Variants in KCNIP4 observed in about 807,000 individuals in gnomAD.
KCNIP4 encodes potassium voltage-gated channel interacting protein 4.
A neutral mutation model predicts 34.0 loss-of-function variants in KCNIP4; 12 were observed. The ratio of observed to expected loss-of-function variants is 0.35; its 90% confidence interval spans 0.23 to 0.57. The LOEUF is 0.57. Among genes scored for constraint, KCNIP4 ranks in the 20% least tolerant of loss-of-function variants. The probability of loss-of-function intolerance (pLI) is 0.83; values close to 1 mark genes in which losing one functional copy is unlikely to be tolerated. For missense variants in KCNIP4, 238 were observed against 311.7 expected (o/e 0.76, Z 1.78); for synonymous variants, 124 against 102.2 (o/e 1.21, Z -1.29).
intron 1 of KCNIP4, among the ~76,000 whole-genome samples, chr4:20,981,253 T>C (rs1736036476): frequency 1.3e-5 from 2 of 152,340 alleles, no homozygotes; most frequent in African/African-American, 4.8e-5. Context: ...TGTCCTAATC[T>C]TGCCTCTAAT....
At chr4:21,112,809 G>T (rs371353251) in intron 1 of KCNIP4, among the ~76,000 whole-genome samples, 4 of 151,964 alleles carry the variant, frequency 2.6e-5, no homozygotes, top group East Asian at 1.9e-4. Flanking sequence ...AAAATGGAAG[G>T]TTGTTTCCAT....
At chr4:21,433,638 A>C (rs976677228) in intron 1 of KCNIP4, among the ~76,000 whole-genome samples, 1 of 152,148 alleles carries the variant, frequency 6.6e-6, no homozygotes, top group African/African-American at 2.4e-5. Flanking sequence ...TGACTGATAC[A>C]CATACTCCTA....
In KCNIP4 at chr4:21,886,779, G is replaced by GCA. The variant is rs368485320; in HGVS notation, c.61+61790_61+61791dup. ...CTGATACCTGTGGCAACCATGGAGG[G>GCA]CACACACACACAAATTACATTTGGC... On this transcript the variant is annotated intron_variant, in intron 1 of 8. Transcript: ENST00000382152. 3.9e-5 allele frequency among the ~76,000 whole-genome samples: 6 copies of GCA among 152,044 alleles called. No homozygotes were observed. In the East Asian group the frequency reaches 7.7e-4, roughly 20 times the overall value.
At chr4:21,543,514 A>G (rs1737876858) in intron 1 of KCNIP4, among the ~76,000 whole-genome samples, 1 of 152,138 alleles carries the variant, frequency 6.6e-6, no homozygotes, top group Admixed American at 6.6e-5. Context: ...TGATGTAAGT[A>G]AACTTCAAAG....
At chr4:21,490,378 T>G (rs1356241614) in intron 1 of KCNIP4, among the ~76,000 whole-genome samples, 2 of 152,126 alleles carry the variant, frequency 1.3e-5, no homozygotes, top group East Asian at 3.9e-4. Flanking sequence ...CACATAAATC[T>G]CTGTTCCTTT....
chr4:21,240,790 T>C (rs1759754753), intron 1 of KCNIP4, among the ~76,000 whole-genome samples: 1 of 152,178 alleles, frequency 6.6e-6, no homozygotes, highest in Non-Finnish European at 1.5e-5. Flanking sequence ...AATGCAAAAA[T>C]ATGATGCCTT....
intron 1 of KCNIP4, among the ~76,000 whole-genome samples, chr4:20,916,032 C>T (rs1349723035): frequency 6.6e-6 from 1 of 152,102 alleles, no homozygotes; most frequent in Non-Finnish European, 1.5e-5. Context: ...TTTTATGATG[C>T]CCCAAAATGC....
chr4:21,428,959 G>T (rs1416364237), intron 1 of KCNIP4, among the ~76,000 whole-genome samples: 1 of 152,018 alleles, frequency 6.6e-6, no homozygotes, highest in Non-Finnish European at 1.5e-5. Flanking sequence ...GGTTACAATG[G>T]ATGAACTTAG....
intron 1 of KCNIP4, among the ~76,000 whole-genome samples, chr4:21,093,854 G>A (rs1023763977): frequency 2.0e-5 from 3 of 152,090 alleles, no homozygotes; most frequent in African/African-American, 7.2e-5. Context: ...AGGCCACGGC[G>A]GGAGGATCAC....
chr4:21,341,583 T>TG (rs5856626), intron 1 of KCNIP4, among the ~76,000 whole-genome samples: 108,001 of 151,928 alleles, frequency 0.71, 39,387 homozygotes, highest in African/African-American at 0.87. Context: ...CCTTCCTAAA[T>TG]TGCAAATTAT....
Position 20,931,198 on chromosome 4 carries a change from G to GACAC in KCNIP4, c.62-48493_62-48490dup, listed in dbSNP as rs901352484. Among the ~76,000 whole-genome samples the GACAC allele has an allele frequency of 6.5e-5, 7 of 108,312 alleles. No individual in the cohort carries two copies. In the South Asian group the frequency reaches 1.3e-3, roughly 21 times the overall value. 71.1% of individuals were successfully genotyped at this position (108,312 alleles called of 152,430 possible). A position where few individuals can be genotyped will look rare whatever the true frequency, so the allele number is the denominator to read the frequency against. ...TGGTACACACACACACACACACACA[G>GACAC]ACACACACACACACAAACATACACT... On this transcript the variant is annotated intron_variant, in intron 1 of 8. Coordinates refer to ENST00000382152, the MANE Select transcript of KCNIP4 (RefSeq NM_025221.6).
intron 1 of KCNIP4, among the ~76,000 whole-genome samples, chr4:21,612,661 C>A (rs905654825): frequency 2.0e-5 from 3 of 152,164 alleles, no homozygotes; most frequent in Non-Finnish European, 4.4e-5. Context: ...TTCTGTTTGA[C>A]AGATCAATTA....
intron 1 of KCNIP4, among the ~76,000 whole-genome samples, chr4:21,139,499 G>A (rs1751768288): frequency 6.6e-6 from 1 of 152,136 alleles, no homozygotes; most frequent in Non-Finnish European, 1.5e-5. Flanking sequence ...TCAGAGTACT[G>A]TCAGCAGAAC....
At chr4:21,700,794 C>T (rs902846547) in intron 1 of KCNIP4, among the ~76,000 whole-genome samples, 1 of 151,988 alleles carries the variant, frequency 6.6e-6, no homozygotes, top group Non-Finnish European at 1.5e-5. Flanking sequence ...GATAAAGGTC[C>T]AGTTTCATTC....
At chr4:21,182,840 T>A (rs192729591) in intron 1 of KCNIP4, among the ~76,000 whole-genome samples, 24 of 152,272 alleles carry the variant, frequency 1.6e-4, no homozygotes, top group South Asian at 1.2e-3. Flanking sequence ...TCAAGAGAGA[T>A]AATTTACATA....
chr4:20,930,896 C>A (rs1161556322), intron 1 of KCNIP4, among the ~76,000 whole-genome samples: 1 of 149,946 alleles, frequency 6.7e-6, no homozygotes, highest in Non-Finnish European at 1.5e-5. Flanking sequence ...AAGGGAAATA[C>A]AGTACACTGT....
chr4:21,144,547 A>T (rs554832748), intron 1 of KCNIP4, among the ~76,000 whole-genome samples: 2 of 152,190 alleles, frequency 1.3e-5, no homozygotes, highest in Non-Finnish European at 2.9e-5. Flanking sequence ...CACATCACAA[A>T]ACATACTGTA....
At chr4:21,288,383 A>G (rs776918592) in intron 1 of KCNIP4, among the ~76,000 whole-genome samples, 2 of 152,210 alleles carry the variant, frequency 1.3e-5, no homozygotes, top group African/African-American at 4.8e-5. Flanking sequence ...ATGAAACTAA[A>G]ACAGAAGTCC....
chr4:21,910,077 T>C (rs1429866325), intron 1 of KCNIP4, among the ~76,000 whole-genome samples: 5 of 152,062 alleles, frequency 3.3e-5, no homozygotes, highest in Admixed American at 6.5e-5. Context: ...CCTGAAAGCA[T>C]AGTTACCTGT....
Sources: allele counts gnomAD v4.1 joint callset (sites outside exome capture counted in the v4.1 genomes callset), GRCh38; gene constraint gnomAD v4.1.1; transcripts MANE v1.5; gene names NCBI Gene and HGNC (gene_info 2026-07-23, HGNC 2026-07-21).